ADGRL3: variants seen among roughly 807,000 people sequenced by gnomAD.
ADGRL3 encodes the protein adhesion G protein-coupled receptor L3.
Under a neutral mutation model 153.5 loss-of-function variants are expected in ADGRL3, and 62 were observed. That is an observed-to-expected ratio of 0.40 (90% confidence interval 0.33 to 0.50). ADGRL3 has a LOEUF of 0.50. Ranked by LOEUF, ADGRL3 falls within the 20% of genes least tolerant of loss-of-function variation. The pLI is 0.47. For missense variants in ADGRL3, 1,641 were observed against 1,859.4 expected (o/e 0.88, Z 2.16); for synonymous variants, 710 against 672.5 (o/e 1.06, Z -0.86).
At chr4:61,250,863 A>T (rs1015249738) in intron 1 of ADGRL3, among the ~76,000 whole-genome samples, 2 of 152,076 alleles carry the variant, frequency 1.3e-5, no homozygotes, top group African/African-American at 4.8e-5. Flanking sequence ...TATTTATAAT[A>T]CTCTTTTTAT....
intron 1 of ADGRL3, among the ~76,000 whole-genome samples, chr4:61,282,610 T>G (rs2093768370): frequency 6.6e-6 from 1 of 152,012 alleles, no homozygotes; most frequent in East Asian, 1.9e-4. Flanking sequence ...GGATGACTTG[T>G]GGCTTCATTA....
At chr4:61,708,727 T>C (rs2095902535) in intron 6 of ADGRL3, among the ~76,000 whole-genome samples, 1 of 152,092 alleles carries the variant, frequency 6.6e-6, no homozygotes, top group East Asian at 1.9e-4. Flanking sequence ...TACGGGTTTT[T>C]TCAGCTAAAA....
At chr4:61,938,749 A>G (rs2098851435) in intron 15 of ADGRL3, among the ~76,000 whole-genome samples, 1 of 151,162 alleles carries the variant, frequency 6.6e-6, no homozygotes, top group Non-Finnish European at 1.5e-5. Context: ...GCCCAGAGCA[A>G]CGTCTCCGCA....
rs904415352 is a variant in ADGRL3, at chr4:62,072,456, G to A, written c.*1548G>A. The A allele has an allele frequency of 6.6e-5, 10 of 152,494 alleles. No homozygotes were observed. The highest frequency in any genetic ancestry group is 2.4e-4 in the African/African-American group (10 of 41,420). 9.4% of individuals were successfully genotyped at this position (152,494 alleles called of 1,614,324 possible). On this transcript the variant is annotated 3_prime_UTR_variant, in exon 27 of 27. Coordinates refer to ENST00000683033, the MANE Select transcript of ADGRL3 (RefSeq NM_001387552.1). ...GAGATTTAGAAGATATTGTATTGATGTATGTACTATATGATTAATCAGTCT... is the reference window on the plus strand; with the variant it reads ...GAGATTTAGAAGATATTGTATTGATATATGTACTATATGATTAATCAGTCT...
At chr4:61,896,740 T>C (rs1359073697) in intron 11 of ADGRL3, among the ~76,000 whole-genome samples, 5 of 152,140 alleles carry the variant, frequency 3.3e-5, no homozygotes, top group Admixed American at 3.3e-4. Flanking sequence ...TACATATGCA[T>C]CTCCGTACTT....
intron 6 of ADGRL3, among the ~76,000 whole-genome samples, chr4:61,714,976 G>A (rs148838098): frequency 7.2e-4 from 110 of 152,046 alleles, no homozygotes; most frequent in Non-Finnish European, 1.3e-3. Flanking sequence ...ACATTTGTAG[G>A]CATCATCAAT....
At chr4:61,547,459 C>T (rs1382234506) in intron 4 of ADGRL3, among the ~76,000 whole-genome samples, 2 of 151,868 alleles carry the variant, frequency 1.3e-5, no homozygotes, top group Non-Finnish European at 2.9e-5. Context: ...GTTTGTTGCT[C>T]CCTTCTTTGT....
intron 2 of ADGRL3, among the ~76,000 whole-genome samples, chr4:61,426,343 A>T (rs1000183824): frequency 8.5e-5 from 13 of 152,156 alleles, no homozygotes; most frequent in African/African-American, 2.9e-4. Flanking sequence ...TCCACACCTG[A>T]TAACAAATCA....
At chr4:61,278,043 A>G (rs915266381) in intron 1 of ADGRL3, among the ~76,000 whole-genome samples, 4 of 152,286 alleles carry the variant, frequency 2.6e-5, no homozygotes, top group East Asian at 1.9e-4. Context: ...AGTGCTGGTC[A>G]GGAAATTAAG....
chr4:61,891,752 A>T (rs1252375492), intron 9 of ADGRL3, among the ~76,000 whole-genome samples: 1 of 152,194 alleles, frequency 6.6e-6, no homozygotes, highest in East Asian at 1.9e-4. Context: ...GGTTAAGAGT[A>T]GTTTCTAATC....
intron 17 of ADGRL3, among the ~76,000 whole-genome samples, chr4:61,971,901 T>G (rs1031151471): frequency 1.1e-3 from 166 of 152,306 alleles, no homozygotes; most frequent in African/African-American, 3.9e-3. Flanking sequence ...ATTTATCTGA[T>G]GGCCAGTGAT....
At chr4:61,933,766 G>T (rs2098827269) in intron 13 of ADGRL3, 1 of 152,186 alleles carries the variant, frequency 6.6e-6, no homozygotes, top group African/African-American at 2.4e-5. Flanking sequence ...AGAAAACACT[G>T]CATTGTGGAG....
At chr4:61,420,671 G>A (rs545279751) in intron 2 of ADGRL3, 1 of 151,426 alleles carries the variant, frequency 6.6e-6, no homozygotes, top group East Asian at 2.0e-4. Context: ...CTCCCAAAGT[G>A]CTGAGATTAC....
At chr4:61,647,418 T>G (rs780165812) in intron 5 of ADGRL3, among the ~76,000 whole-genome samples, 8 of 152,218 alleles carry the variant, frequency 5.3e-5, no homozygotes, top group Non-Finnish European at 1.0e-4. Context: ...AACTAGGGTT[T>G]GTCCCCATAT....
intron 8 of ADGRL3, among the ~76,000 whole-genome samples, chr4:61,743,936 G>T (rs2096617432): frequency 6.6e-6 from 1 of 152,214 alleles, no homozygotes; most frequent in African/African-American, 2.4e-5. Flanking sequence ...AGTGCAAGGG[G>T]TCAGGGACTT....
In ADGRL3 at chr4:61,909,767, G is replaced by A. The variant is rs201167151; in HGVS notation, c.2073+22G>A. 0.54 allele frequency: 617,046 copies of A among 1,142,772 alleles called. 138,287 individuals carry two copies. Among genetic ancestry groups the A allele is most frequent in the Non-Finnish European group, 0.57 (479,117 of 845,832 alleles). 70.8% of individuals were successfully genotyped at this position (1,142,772 alleles called of 1,614,324 possible). On this transcript the variant is annotated intron_variant, in intron 12 of 26. Transcript: ENST00000683033. Reference sequence around the variant, plus strand: ...CAAGGTAAGGACCCTAATTATGTGTGTGTGTGTGTGTGTGTGTGTGTGTGT... The same window carrying A: ...CAAGGTAAGGACCCTAATTATGTGTATGTGTGTGTGTGTGTGTGTGTGTGT...
intron 5 of ADGRL3, among the ~76,000 whole-genome samples, chr4:61,621,311 T>C (rs2092494395): frequency 6.6e-6 from 1 of 152,270 alleles, no homozygotes; most frequent in African/African-American, 2.4e-5. Flanking sequence ...AAAATTTTTG[T>C]CTTGATTTTA....
At chr4:61,788,765 T>A (rs1453513599) in intron 8 of ADGRL3, among the ~76,000 whole-genome samples, 1 of 152,182 alleles carries the variant, frequency 6.6e-6, no homozygotes, top group African/African-American at 2.4e-5. Context: ...TAATGTAGAC[T>A]GAGAGTGTAT....
At chr4:61,456,400 TATCTATATATATATAG>T (rs1371813013) in intron 2 of ADGRL3, among the ~76,000 whole-genome samples, 1 of 88,744 alleles carries the variant, frequency 1.1e-5, no homozygotes, top group Admixed American at 1.3e-4. Flanking sequence ...GATATATCTA[TATCTATATATATATAG>T]ATATATCTAT....
Sources: gnomAD v4.1 joint callset for allele counts (sites outside exome capture counted in the v4.1 genomes callset) on GRCh38, gnomAD v4.1.1 for gene constraint, MANE v1.5 for transcripts, NCBI Gene and HGNC (gene_info 2026-07-23, HGNC 2026-07-21) for gene names.